The following PPP3R1 variants were observed in gnomAD, a reference collection of about 807,000 sequenced individuals.
PPP3R1 encodes protein phosphatase 3 regulatory subunit B, alpha, also known as calcineurin subunit B type 1.
A neutral mutation model predicts 22.6 loss-of-function variants in PPP3R1; 5 were observed. The observed-to-expected ratio is 0.22, with a 90% CI of 0.12 to 0.46. PPP3R1 has a LOEUF of 0.46. Ranked by LOEUF, PPP3R1 falls within the 20% of genes least tolerant of loss-of-function variation. The pLI, the probability that PPP3R1 is intolerant of heterozygous loss-of-function variation, is 0.99. For synonymous variants in PPP3R1, 56 were observed against 65.2 expected (o/e 0.86, Z 0.68); for missense variants, 61 against 203.2 (o/e 0.30, Z 4.25).
chr2:68,190,302 C>T (rs1018789274), intron 2 of PPP3R1, among the ~76,000 whole-genome samples: 92 of 148,784 alleles, frequency 6.2e-4, no homozygotes, highest in Middle Eastern at 7.2e-3. Context: ...CAGTGGCTCA[C>T]GCCTGTAATC....
At position 68,232,118 on chromosome 2, in the gene PPP3R1, T is replaced by TACACACACACACACAC. The variant is rs1266855864; in HGVS notation, c.4-14988_4-14987insGTGTGTGTGTGTGTGT. On this transcript the variant is annotated intron_variant, in intron 1 of 5. Transcript: ENST00000234310. ...TACTAAAAAAAAAAAAATATATATA[T>TACACACACACACACAC]ATATATACACACACACACACATATA... is the stretch of plus-strand genomic sequence containing the variant. 7.4e-5 allele frequency among the ~76,000 whole-genome samples: 4 copies of TACACACACACACACAC among 53,972 alleles called. No individual in the cohort carries two copies. The East Asian group carries it at 2.2e-3, about 30-fold the overall frequency. The allele number at this position is 53,972 out of a possible 152,430, so 35.4% of individuals were successfully genotyped here.
At chr2:68,188,015 C>T (rs1674583740) in intron 3 of PPP3R1, among the ~76,000 whole-genome samples, 1 of 151,878 alleles carries the variant, frequency 6.6e-6, no homozygotes, top group Non-Finnish European at 1.5e-5. Flanking sequence ...ACTAAAAATA[C>T]AAAAATTAGC....
intron 5 of PPP3R1, among the ~76,000 whole-genome samples, chr2:68,183,549 C>T (rs1384029460): frequency 6.6e-6 from 1 of 152,122 alleles, no homozygotes; most frequent in Non-Finnish European, 1.5e-5. Context: ...CTCCATTTTC[C>T]TTCTGGAATC....
chr2:68,234,345 A>G (rs552879573), intron 1 of PPP3R1, among the ~76,000 whole-genome samples: 1 of 152,206 alleles, frequency 6.6e-6, no homozygotes, highest in South Asian at 2.1e-4. Flanking sequence ...TCCGTCCAAA[A>G]AAAAAAAAAG....
intron 2 of PPP3R1, among the ~76,000 whole-genome samples, chr2:68,197,711 A>C (rs1035171440): frequency 9.2e-5 from 14 of 152,042 alleles, no homozygotes; most frequent in Non-Finnish European, 1.8e-4. Context: ...AATTCTCTAT[A>C]TACTGATCCA....
At chr2:68,186,272 ATAAG>A (rs1674541875) in intron 5 of PPP3R1, among the ~76,000 whole-genome samples, 192 bp downstream of exon 5, 1 of 149,502 alleles carries the variant, frequency 6.7e-6, no homozygotes, top group Non-Finnish European at 1.5e-5. Flanking sequence ...GCTACCAACA[ATAAG>A]TAAAGTAGTA....
intron 2 of PPP3R1, among the ~76,000 whole-genome samples, chr2:68,204,353 G>GATATACATATATTCTGAT (rs1553405724): frequency 6.7e-6 from 1 of 148,344 alleles, no homozygotes; most frequent in African/African-American, 2.5e-5. Context: ...TATATATTCT[G>GATATACATATATTCTGAT]ATATATATAT....
intron 3 of PPP3R1, among the ~76,000 whole-genome samples, chr2:68,187,671 CAAAA>C: frequency 6.6e-6 from 1 of 152,190 alleles, no homozygotes; most frequent in Middle Eastern, 3.4e-3. Context: ...CTGACACACA[CAAAA>C]AACTTTAGCC....
At position 68,232,371 on chromosome 2, in the gene PPP3R1, G is replaced by A. The variant is rs553817595; in HGVS notation, c.4-15240C>T. Among the ~76,000 whole-genome samples, 25 of 148,030 alleles carry A rather than the reference G, an allele frequency of 1.7e-4. No homozygotes were observed. The South Asian group carries it at 5.2e-3, about 31-fold the overall frequency. ...CAGGAGAATCACTCGAACCTGGGAG[G>A]TGGAGGTTGCAGTGAGCCAAGATCA... is the stretch of plus-strand genomic sequence containing the variant. On this transcript the variant is annotated intron_variant, in intron 1 of 5. Transcript: ENST00000234310.
In PPP3R1 at chr2:68,252,195, C is replaced by G; in HGVS notation, c.-68G>C. ...GAAGTGTTGCGCTCAGGCTGGCTCG[C>G]AGGAAACGGCGGCGGCGGCCCAGCT... On this transcript the variant is annotated 5_prime_UTR_variant, in exon 1 of 6. Transcript: ENST00000234310. The G allele has an allele frequency of 7.8e-7, 1 of 1,282,810 alleles. No individual in the cohort carries two copies. The highest frequency in any genetic ancestry group is 1.0e-6 in the Non-Finnish European group (1 of 989,036). 79.5% of individuals were successfully genotyped at this position (1,282,810 alleles called of 1,614,324 possible).
intron 2 of PPP3R1, among the ~76,000 whole-genome samples, chr2:68,194,170 T>C (rs1674722004): frequency 6.6e-6 from 1 of 152,134 alleles, no homozygotes; most frequent in African/African-American, 2.4e-5. Context: ...TTATCTAAAA[T>C]TTAAGCAAGG....
At chr2:68,252,104 T>C in intron 1 of PPP3R1, 21 bp downstream of exon 1, 3 of 1,428,402 alleles carry the variant, frequency 2.1e-6, no homozygotes, top group African/African-American at 1.5e-5. Context: ...GGATGGTGCA[T>C]CGAGGAAGCC....
At chr2:68,209,087 G>A (rs1372346339) in intron 2 of PPP3R1, among the ~76,000 whole-genome samples, 4 of 150,630 alleles carry the variant, frequency 2.7e-5, no homozygotes, top group East Asian at 3.9e-4. Flanking sequence ...GGCCGGGCGC[G>A]GTGGCTCACA....
At chr2:68,225,430 G>C (rs1669763900) in intron 1 of PPP3R1, among the ~76,000 whole-genome samples, 1 of 152,180 alleles carries the variant, frequency 6.6e-6, no homozygotes, top group Admixed American at 6.5e-5. Context: ...CAAGGAAACA[G>C]AGTGCTCAAT....
chr2:68,236,372 C>T (rs745940467), intron 1 of PPP3R1, among the ~76,000 whole-genome samples: 36 of 152,088 alleles, frequency 2.4e-4, no homozygotes, highest in Non-Finnish European at 4.4e-4. Context: ...TCCCAAGCCT[C>T]AAATATTTAT....
chr2:68,200,866 A>G (rs1674961321), intron 2 of PPP3R1, among the ~76,000 whole-genome samples: 1 of 152,144 alleles, frequency 6.6e-6, no homozygotes, highest in Non-Finnish European at 1.5e-5. Context: ...TTCCTACTGA[A>G]GGCCTGTGTA....
At chr2:68,229,837 T>A (rs1301813145) in intron 1 of PPP3R1, among the ~76,000 whole-genome samples, 1 of 152,094 alleles carries the variant, frequency 6.6e-6, no homozygotes, top group Non-Finnish European at 1.5e-5. Context: ...CTTTAATTGA[T>A]TCTGCCAGTA....
chr2:68,252,044 G>A (rs1188876941), intron 1 of PPP3R1, 81 bp downstream of exon 1: 6 of 1,299,628 alleles, frequency 4.6e-6, no homozygotes, highest in Non-Finnish European at 5.0e-6. Context: ...CCGACCGGGG[G>A]CGTCGGGGCT....
At chr2:68,206,105 A>G (rs909101178) in intron 2 of PPP3R1, among the ~76,000 whole-genome samples, 1 of 152,172 alleles carries the variant, frequency 6.6e-6, no homozygotes, top group Non-Finnish European at 1.5e-5. Context: ...GGCGTGAGCC[A>G]CCGCGCCCGG....
Sources: allele counts gnomAD v4.1 joint callset (sites outside exome capture counted in the v4.1 genomes callset), GRCh38; gene constraint gnomAD v4.1.1; transcripts MANE v1.5; gene names NCBI Gene and HGNC (gene_info 2026-07-23, HGNC 2026-07-21).